The following LINC00305 variants were observed in gnomAD, a reference collection of about 807,000 sequenced individuals.
LINC00305 encodes long intergenic non-protein coding RNA 305.
chr18:64,114,201 C>T lies in LINC00305; in HGVS notation n.315-15561G>A, dbSNP rs928271626. Among the ~76,000 whole-genome samples, 6 of 152,228 alleles carry T rather than the reference C, an allele frequency of 3.9e-5. No homozygotes were observed. The South Asian group carries it at 1.0e-3, about 26-fold the overall frequency. ...AGGAGAATGGCGTGAACCAGAGAGGCGGAGCTTGCAGTGAGCCGAGATTGC... is the reference window on the plus strand; with the variant it reads ...AGGAGAATGGCGTGAACCAGAGAGGTGGAGCTTGCAGTGAGCCGAGATTGC... On this transcript the variant is annotated intron_variant and non_coding_transcript_variant, in intron 1 of 3. Coordinates refer to ENST00000666468, the Ensembl canonical transcript of LINC00305.
intron 3 of LINC00305, chr18:64,097,734 T>C (rs2051250443): frequency 2.7e-6 from 1 of 375,902 alleles, no homozygotes; most frequent in South Asian, 2.1e-5. Context: ...AGTAATATTA[T>C]TTCAAGTCCT....
chr18:64,125,563 T>C (rs1320708814), intron 1 of LINC00305, among the ~76,000 whole-genome samples: 1 of 152,154 alleles, frequency 6.6e-6, no homozygotes, highest in Non-Finnish European at 1.5e-5. Flanking sequence ...GTCGCAATTT[T>C]TTTTTACTTA....
chr18:64,112,335 C>CAA (rs35340500), intron 1 of LINC00305, among the ~76,000 whole-genome samples: 2,661 of 109,104 alleles, frequency 0.024, 39 homozygotes, highest in African/African-American at 0.037. Context: ...GCACATTGCT[C>CAA]AAAAAAAAAA....
intron 1 of LINC00305, among the ~76,000 whole-genome samples, chr18:64,132,217 T>TC (rs1016822968): frequency 4.6e-4 from 70 of 152,324 alleles, no homozygotes; most frequent in Admixed American, 1.6e-3. Flanking sequence ...AAGAAAAACA[T>TC]CATTTTAAGT....
chr18:64,110,850 A>T (rs2051312034), intron 1 of LINC00305, among the ~76,000 whole-genome samples: 1 of 152,230 alleles, frequency 6.6e-6, no homozygotes, highest in Admixed American at 6.5e-5. Flanking sequence ...CTAAGCCGTT[A>T]TTACCTGTGG....
chr18:64,126,960 C>CTAA (rs1226328308), intron 1 of LINC00305, among the ~76,000 whole-genome samples: 1 of 151,954 alleles, frequency 6.6e-6, no homozygotes, highest in East Asian at 1.9e-4. Flanking sequence ...AAATTTTTTT[C>CTAA]CAACTTTTAT....
intron 1 of LINC00305, among the ~76,000 whole-genome samples, chr18:64,121,927 T>G (rs2850709): frequency 0.091 from 13,849 of 152,224 alleles, 832 homozygotes; most frequent in East Asian, 0.14. Context: ...TTTGAACTTC[T>G]TTAATAATTA....
intron 1 of LINC00305, among the ~76,000 whole-genome samples, chr18:64,132,183 T>G (rs1344652820): frequency 6.6e-6 from 1 of 152,220 alleles, no homozygotes; most frequent in Non-Finnish European, 1.5e-5. Context: ...CTATATTTGG[T>G]AGGAATCAAT....
intron 1 of LINC00305, among the ~76,000 whole-genome samples, chr18:64,134,434 G>A (rs1568116925): frequency 6.6e-6 from 1 of 152,178 alleles, no homozygotes; most frequent in Admixed American, 6.5e-5. Context: ...CCTAGCTGGA[G>A]AAGAAAATGC....
intron 1 of LINC00305, among the ~76,000 whole-genome samples, chr18:64,109,249 A>T (rs1052492055): frequency 5.3e-5 from 8 of 152,218 alleles, no homozygotes; most frequent in African/African-American, 1.9e-4. Flanking sequence ...TGCACAGGAA[A>T]CAGAACTCAA....
intron 1 of LINC00305, among the ~76,000 whole-genome samples, chr18:64,136,968 G>A (rs945323135): frequency 1.9e-4 from 29 of 152,276 alleles, no homozygotes; most frequent in African/African-American, 3.9e-4. Flanking sequence ...GTTGCATAGC[G>A]TCCACCTGCA....
At chr18:64,133,981 T>C (rs896058793) in intron 1 of LINC00305, among the ~76,000 whole-genome samples, 1 of 152,194 alleles carries the variant, frequency 6.6e-6, no homozygotes, top group Admixed American at 6.5e-5. Flanking sequence ...TATTATAGTG[T>C]TTTTTAAAAA....
intron 1 of LINC00305, among the ~76,000 whole-genome samples, chr18:64,142,106 C>A (rs1004150010): frequency 6.6e-6 from 1 of 152,146 alleles, no homozygotes; most frequent in African/African-American, 2.4e-5. Flanking sequence ...TGTCTATGTG[C>A]ACTGGTGAGT....
intron 3 of LINC00305, among the ~76,000 whole-genome samples, chr18:64,087,750 A>T (rs2051208767): frequency 6.6e-6 from 1 of 152,160 alleles, no homozygotes; most frequent in South Asian, 2.1e-4. Flanking sequence ...AGAATTAGAG[A>T]TAAGGAAATG....
chr18:64,129,270 A>G (rs2051398770), intron 1 of LINC00305, among the ~76,000 whole-genome samples: 2 of 152,242 alleles, frequency 1.3e-5, no homozygotes, highest in South Asian at 4.1e-4. Context: ...AAATTATGCA[A>G]GCTATTTGAT....
chr18:64,130,407 GC>G (rs1254982478), intron 1 of LINC00305, among the ~76,000 whole-genome samples: 1 of 151,998 alleles, frequency 6.6e-6, no homozygotes, highest in Non-Finnish European at 1.5e-5. Flanking sequence ...CTGCCATTCT[GC>G]CAATCAAAAG....
Position 64,085,267 on chromosome 18 carries a change from G to A in LINC00305, n.541-4865C>T, listed in dbSNP as rs112806996. Among the ~76,000 whole-genome samples the A allele has an allele frequency of 3.8e-3, 584 of 152,056 alleles. 9 individuals carry two copies. The highest frequency in any genetic ancestry group is 0.014 in the African/African-American group (565 of 41,430). ...TTCCTATTCCTATTCCTATTCTTATGTACCTGCTTGAATCCTACTCATTCT... is the reference window on the plus strand; with the variant it reads ...TTCCTATTCCTATTCCTATTCTTATATACCTGCTTGAATCCTACTCATTCT... On this transcript the variant is annotated intron_variant and non_coding_transcript_variant, in intron 3 of 3. Coordinates refer to ENST00000666468, the Ensembl canonical transcript of LINC00305.
intron 1 of LINC00305, among the ~76,000 whole-genome samples, chr18:64,126,439 T>C (rs1219502404): frequency 6.6e-6 from 1 of 152,094 alleles, no homozygotes; most frequent in Non-Finnish European, 1.5e-5. Context: ...TATTTTTTTC[T>C]CTAAAATCGA....
At chr18:64,113,844 ACT>A (rs1347755435) in intron 1 of LINC00305, among the ~76,000 whole-genome samples, 5 of 152,084 alleles carry the variant, frequency 3.3e-5, no homozygotes, top group Non-Finnish European at 5.9e-5. Flanking sequence ...TTGGAGGCTG[ACT>A]CTGTAGACTT....
Sources: gnomAD v4.1 joint callset for allele counts (sites outside exome capture counted in the v4.1 genomes callset) on GRCh38, gnomAD v4.1.1 for gene constraint, MANE v1.5 for transcripts, NCBI Gene and HGNC (gene_info 2026-07-23, HGNC 2026-07-21) for gene names.